MCU: variants seen among roughly 807,000 people sequenced by gnomAD.
MCU encodes mitochondrial calcium uniporter, also known as calcium uniporter protein, mitochondrial.
Under a neutral mutation model 45.2 loss-of-function variants are expected in MCU, and 12 were observed. The ratio of observed to expected loss-of-function variants is 0.27; its 90% CI spans 0.17 to 0.43. The LOEUF (loss-of-function observed/expected upper bound fraction) is 0.43, where lower values mean the gene tolerates loss of function less well. Among genes scored for constraint, MCU ranks in the 20% least tolerant of loss-of-function variants. The pLI is 1.00. For missense variants in MCU, 324 were observed against 436.7 expected, an observed-to-expected ratio of 0.74 and a Z score of 2.30; for synonymous variants, 160 against 165.1, an observed-to-expected ratio of 0.97 and a Z score of 0.24.
intron 1 of MCU, among the ~76,000 whole-genome samples, chr10:72,711,321 A>G (rs1401032042): frequency 6.7e-6 from 1 of 150,108 alleles, no homozygotes; most frequent in Non-Finnish European, 1.5e-5. Context: ...CCTGGGTTCA[A>G]GTGATTCTCC....
At chr10:72,698,807 T>C (rs1355771328) in intron 1 of MCU, among the ~76,000 whole-genome samples, 2 of 152,022 alleles carry the variant, frequency 1.3e-5, no homozygotes, top group Non-Finnish European at 1.5e-5. Context: ...GCTCAGCCCT[T>C]TATTCTTTTT....
intron 1 of MCU, among the ~76,000 whole-genome samples, chr10:72,818,203 C>T (rs916710943): frequency 6.6e-6 from 1 of 152,136 alleles, no homozygotes; most frequent in South Asian, 2.1e-4. Flanking sequence ...CCTAGGTCAC[C>T]TGTGACTTTT....
intron 1 of MCU, among the ~76,000 whole-genome samples, chr10:72,696,313 T>C (rs1443078054): frequency 6.6e-6 from 1 of 151,364 alleles, no homozygotes; most frequent in Non-Finnish European, 1.5e-5. Context: ...AAAAATTCCT[T>C]TAAATGGAGA....
At chr10:72,866,802 G>A (rs928950652) in intron 4 of MCU, among the ~76,000 whole-genome samples, 7 of 151,976 alleles carry the variant, frequency 4.6e-5, no homozygotes, top group Non-Finnish European at 1.5e-5. Flanking sequence ...TATAGTAGAA[G>A]CACTGTAATG....
intron 2 of MCU, among the ~76,000 whole-genome samples, chr10:72,837,225 T>G (rs1439203150): frequency 6.6e-6 from 1 of 151,992 alleles, no homozygotes; most frequent in Admixed American, 6.6e-5. Context: ...TAAATACTTA[T>G]GAGAATCTAT....
At chr10:72,814,633 A>G (rs111898434) in intron 1 of MCU, among the ~76,000 whole-genome samples, 2 of 152,336 alleles carry the variant, frequency 1.3e-5, no homozygotes, top group South Asian at 2.1e-4. Flanking sequence ...AATACAAACA[A>G]TGAAGCATAA....
intron 1 of MCU, among the ~76,000 whole-genome samples, chr10:72,701,276 A>G (rs1842755949): frequency 6.6e-6 from 1 of 152,184 alleles, no homozygotes. Context: ...AATTTTTACT[A>G]TAACCCTATG....
At position 72,856,147 on chromosome 10, in the gene MCU, G is replaced by A. The variant is rs148658810; in HGVS notation, c.221-3030G>A. ...TAATCATGCCAAGAGAAAGAAGCCA[G>A]ATATAAAAGGGTCCATAGCGTGATT... On this transcript the variant is annotated intron_variant, in intron 2 of 7. Coordinates refer to ENST00000373053, the MANE Select transcript of MCU (RefSeq NM_138357.3). Among the ~76,000 whole-genome samples, 902 of 152,240 alleles carry A rather than the reference G, an allele frequency of 5.9e-3. 11 individuals carry two copies. Among genetic ancestry groups the A allele is most frequent in the African/African-American group, 0.02 (850 of 41,548 alleles).
chr10:72,716,649 C>T (rs111557052), intron 1 of MCU, among the ~76,000 whole-genome samples: 2,856 of 151,486 alleles, frequency 0.019, 81 homozygotes, highest in African/African-American at 0.065. Flanking sequence ...TTTGGGAGGC[C>T]GAGGTGTGAG....
intron 1 of MCU, among the ~76,000 whole-genome samples, chr10:72,739,466 A>C (rs1843295981): frequency 1.3e-5 from 2 of 152,166 alleles, no homozygotes; most frequent in Admixed American, 1.3e-4. Context: ...TAAAATGTTA[A>C]CTTTAGTTCT....
chr10:72,853,737 C>T (rs992876677), intron 2 of MCU, among the ~76,000 whole-genome samples: 1 of 152,162 alleles, frequency 6.6e-6, no homozygotes, highest in Non-Finnish European at 1.5e-5. Context: ...AGGCAGAGGG[C>T]TGGGCATGGT....
At chr10:72,710,894 C>A (rs763245467) in intron 1 of MCU, among the ~76,000 whole-genome samples, 8 of 151,938 alleles carry the variant, frequency 5.3e-5, no homozygotes, top group Admixed American at 2.6e-4. Flanking sequence ...AGGTATTAAA[C>A]TGGCCGGGCG....
chr10:72,695,211 G>A (rs1475725499), intron 1 of MCU, among the ~76,000 whole-genome samples: 1 of 152,168 alleles, frequency 6.6e-6, no homozygotes, highest in South Asian at 2.1e-4. Context: ...AGCAGTTAAC[G>A]GCTATGCTGA....
intron 1 of MCU, among the ~76,000 whole-genome samples, chr10:72,744,756 C>T (rs1843386932): frequency 6.6e-6 from 1 of 152,196 alleles, no homozygotes; most frequent in Non-Finnish European, 1.5e-5. Flanking sequence ...ACATCTGGTT[C>T]TACCAGCTCT....
At chr10:72,772,849 A>T (rs907097042) in intron 1 of MCU, among the ~76,000 whole-genome samples, 3 of 152,176 alleles carry the variant, frequency 2.0e-5, no homozygotes, top group African/African-American at 7.2e-5. Context: ...CCCTAACAAG[A>T]TGGCAGTTTG....
In MCU at chr10:72,751,696, G is replaced by T. The variant is rs986440634; in HGVS notation, c.150+59395G>T. On this transcript the variant is annotated intron_variant, in intron 1 of 7. Coordinates refer to ENST00000373053, the MANE Select transcript of MCU (RefSeq NM_138357.3). ...TGATGTTGTTGTTGCACAGGTTCCC[G>T]AGGGTCTGGCTTCCTTTGAGACATT... 2.6e-5 allele frequency among the ~76,000 whole-genome samples: 4 copies of T among 151,774 alleles called. No individual in the cohort carries two copies. In the East Asian group the frequency reaches 7.8e-4, roughly 30 times the overall value.
chr10:72,846,572 C>G (rs1845126698), intron 2 of MCU, among the ~76,000 whole-genome samples: 1 of 152,204 alleles, frequency 6.6e-6, no homozygotes, highest in Non-Finnish European at 1.5e-5. Flanking sequence ...ACTAACCCCC[C>G]ATGTACAAGA....
At chr10:72,712,770 T>G (rs890228157) in intron 1 of MCU, among the ~76,000 whole-genome samples, 2 of 152,244 alleles carry the variant, frequency 1.3e-5, no homozygotes, top group African/African-American at 4.8e-5. Flanking sequence ...AGTCATTGTT[T>G]TAAAAAGACA....
intron 1 of MCU, among the ~76,000 whole-genome samples, chr10:72,778,327 T>C (rs1298622832): frequency 1.3e-5 from 2 of 152,192 alleles, no homozygotes; most frequent in Non-Finnish European, 2.9e-5. Flanking sequence ...ATATACACAA[T>C]GGGATATTAC....
Sources: allele counts gnomAD v4.1 joint callset (sites outside exome capture counted in the v4.1 genomes callset), GRCh38; gene constraint gnomAD v4.1.1; transcripts MANE v1.5; gene names NCBI Gene and HGNC (gene_info 2026-07-23, HGNC 2026-07-21).